Variants in NCKAP5 observed in about 807,000 individuals in gnomAD.
NCKAP5 encodes NCK associated protein 5.
A neutral mutation model predicts 167.0 loss-of-function variants in NCKAP5; 92 were observed. The ratio of observed to expected loss-of-function variants is 0.55; its 90% CI spans 0.47 to 0.66. The LOEUF (loss-of-function observed/expected upper bound fraction) is 0.66. Among genes scored for constraint, NCKAP5 ranks in the 30% least tolerant of loss-of-function variants. The pLI, the probability that NCKAP5 is intolerant of heterozygous loss-of-function variation, is 0.00. For missense variants in NCKAP5, 2,378 were observed against 2,315.0 expected (o/e 1.03, Z -0.56); for synonymous variants, 891 against 877.4 (o/e 1.02, Z -0.27).
At chr2:133,023,257 A>C (rs917273933) in intron 6 of NCKAP5, among the ~76,000 whole-genome samples, 2 of 152,132 alleles carry the variant, frequency 1.3e-5, no homozygotes, top group Admixed American at 1.3e-4. Flanking sequence ...CTCCATTCAA[A>C]CTTTTAAGTT....
intron 14 of NCKAP5, among the ~76,000 whole-genome samples, 182 bp from the exon 15 acceptor site, chr2:132,781,411 T>C (rs899475432): frequency 6.6e-6 from 1 of 152,258 alleles, no homozygotes. Context: ...AGCATGTCAA[T>C]TTAGATTTGA....
chr2:132,924,284 CTG>C (rs1695677883), intron 8 of NCKAP5, among the ~76,000 whole-genome samples: 7 of 152,094 alleles, frequency 4.6e-5, no homozygotes, highest in African/African-American at 9.7e-5. Flanking sequence ...TTTTCTTGTG[CTG>C]TACTCTGGGC....
chr2:133,249,853 T>G (rs957037774), intron 4 of NCKAP5, among the ~76,000 whole-genome samples: 3 of 152,142 alleles, frequency 2.0e-5, no homozygotes, highest in African/African-American at 7.2e-5. Flanking sequence ...GGAAGGAGGT[T>G]GAAGCTAAGT....
At chr2:133,214,646 A>C (rs2086350757) in intron 4 of NCKAP5, among the ~76,000 whole-genome samples, 1 of 152,152 alleles carries the variant, frequency 6.6e-6, no homozygotes, top group Non-Finnish European at 1.5e-5. Context: ...ACAGCTTTTC[A>C]ATTGTTCTTT....
At chr2:133,623,911 G>A in the NCKAP5 span, among the ~76,000 whole-genome samples, 21 of 152,090 alleles carry the variant, frequency 1.4e-4, no homozygotes, top group African/African-American at 4.3e-4. Context: ...ATCAATCAAC[G>A]AGTGGATAAA....
At chr2:133,542,240 C>A (rs867963999) in intron 2 of NCKAP5, among the ~76,000 whole-genome samples, 10 of 152,168 alleles carry the variant, frequency 6.6e-5, no homozygotes, top group Admixed American at 2.6e-4. Context: ...AATGCATACT[C>A]CATAATTCTC....
At chr2:133,190,030 A>G (rs1188509538) in intron 5 of NCKAP5, among the ~76,000 whole-genome samples, 6 of 152,084 alleles carry the variant, frequency 3.9e-5, no homozygotes, top group Non-Finnish European at 8.8e-5. Context: ...AAACCCCATC[A>G]TCTCAACCCA....
intron 4 of NCKAP5, among the ~76,000 whole-genome samples, chr2:133,255,146 A>G (rs1383721298): frequency 6.6e-6 from 1 of 152,208 alleles, no homozygotes; most frequent in Non-Finnish European, 1.5e-5. Context: ...GAAAGAAAAA[A>G]GGAAAAATGT....
chr2:132,753,784 T>C (rs1393135482), intron 16 of NCKAP5, among the ~76,000 whole-genome samples: 1 of 152,154 alleles, frequency 6.6e-6, no homozygotes, highest in African/African-American at 2.4e-5. Flanking sequence ...TCCTGGGAGA[T>C]TCCTTGATAT....
chr2:133,501,571 T>G (rs141155024), intron 3 of NCKAP5, among the ~76,000 whole-genome samples: 85 of 152,328 alleles, frequency 5.6e-4, no homozygotes, highest in African/African-American at 2.0e-3. Flanking sequence ...TTATTTGCAT[T>G]TATAGATGTG....
At chr2:133,143,926 C>A (rs1390082207) in intron 5 of NCKAP5, among the ~76,000 whole-genome samples, 1 of 152,044 alleles carries the variant, frequency 6.6e-6, no homozygotes, top group East Asian at 1.9e-4. Flanking sequence ...CCTCTCTTTA[C>A]AGGTATGAAG....
the NCKAP5 span, among the ~76,000 whole-genome samples, chr2:133,577,771 C>T: frequency 5.3e-5 from 8 of 152,046 alleles, no homozygotes; most frequent in Admixed American, 1.3e-4. Context: ...TATGTATGAG[C>T]GGCCAAGTAT....
At position 132,786,668 on chromosome 2, in the gene NCKAP5, A is replaced by C. The variant is rs575388273; in HGVS notation, c.1093-950T>G. Among the ~76,000 whole-genome samples the C allele has an allele frequency of 5.3e-5, 8 of 152,244 alleles. No individual in the cohort carries two copies. The South Asian group carries it at 1.5e-3, about 28-fold the overall frequency. The stretch of plus-strand genomic sequence containing the variant: ...TAAGAAATGGAAGGGGGAAAAAAAA[A>C]AGCTAACATTTACTGAGCCTCTGCT... On this transcript the variant is annotated intron_variant, in intron 13 of 19. Coordinates refer to ENST00000409261, the MANE Select transcript of NCKAP5 (RefSeq NM_207363.3).
At chr2:133,538,369 C>T (rs1685918015) in intron 2 of NCKAP5, among the ~76,000 whole-genome samples, 2 of 152,094 alleles carry the variant, frequency 1.3e-5, no homozygotes, top group Admixed American at 6.6e-5. Context: ...AATTAAAATA[C>T]ATTTAATTTG....
chr2:133,454,938 A>C (rs1691755075), intron 3 of NCKAP5, among the ~76,000 whole-genome samples: 1 of 152,076 alleles, frequency 6.6e-6, no homozygotes, highest in Non-Finnish European at 1.5e-5. Flanking sequence ...CTTTCATCCA[A>C]AGGGTCTGAT....
At chr2:132,695,309 GTAAAGAGTAAAAATCTTCAGAA>G (rs1456407584) in intron 19 of NCKAP5, among the ~76,000 whole-genome samples, 1 of 152,074 alleles carries the variant, frequency 6.6e-6, no homozygotes, top group East Asian at 1.9e-4. Context: ...TATTTTCTCG[GTAAAGAGTAAAAATCTTCAGAA>G]TAAACAGCAG....
At chr2:133,449,735 T>C (rs1241625307) in intron 3 of NCKAP5, among the ~76,000 whole-genome samples, 1 of 152,134 alleles carries the variant, frequency 6.6e-6, no homozygotes, top group African/African-American at 2.4e-5. Flanking sequence ...TACCACCTTT[T>C]CTCTCTTATG....
At chr2:133,123,582 C>T in intron 6 of NCKAP5, 1 of 271,006 alleles carries the variant, frequency 3.7e-6, no homozygotes, top group South Asian at 3.9e-5. Flanking sequence ...AGAAATATTG[C>T]TGATGATGTG....
chr2:132,770,665 T>G (rs1354348349), intron 16 of NCKAP5, among the ~76,000 whole-genome samples: 4 of 152,040 alleles, frequency 2.6e-5, no homozygotes, highest in Admixed American at 2.6e-4. Context: ...TGCAGCACCA[T>G]CCAACAGAAC....
Sources: allele counts gnomAD v4.1 joint callset (sites outside exome capture counted in the v4.1 genomes callset), GRCh38; gene constraint gnomAD v4.1.1; transcripts MANE v1.5; gene names NCBI Gene and HGNC (gene_info 2026-07-23, HGNC 2026-07-21).